UBE2H: variants seen among roughly 807,000 people sequenced by gnomAD.
UBE2H encodes ubiquitin-conjugating enzyme E2 H.
UBE2H carries 3 observed loss-of-function variants against 29.0 expected under a neutral mutation model. The ratio of observed to expected loss-of-function variants is 0.10; its 90% CI spans 0.05 to 0.27. The LOEUF (loss-of-function observed/expected upper bound fraction) is 0.27, where lower values mean the gene tolerates loss of function less well. Ranked by LOEUF, UBE2H falls within the 10% of genes least tolerant of loss-of-function variation. The pLI, the probability that UBE2H is intolerant of heterozygous loss-of-function variation, is 1.00. For missense variants in UBE2H, 68 were observed against 228.2 expected (o/e 0.30, Z 4.52); for synonymous variants, 69 against 82.9 (o/e 0.83, Z 0.91).
intron 1 of UBE2H, among the ~76,000 whole-genome samples, chr7:129,938,135 G>T (rs1246322493): frequency 6.6e-6 from 1 of 151,958 alleles, no homozygotes. Context: ...CCATGGCCAG[G>T]CACAATGGTT....
chr7:129,919,301 T>C (rs569413864), intron 1 of UBE2H, among the ~76,000 whole-genome samples: 2 of 152,134 alleles, frequency 1.3e-5, no homozygotes, highest in African/African-American at 2.4e-5. Flanking sequence ...AAAAACTTGA[T>C]TGACCATCAC....
chr7:129,943,127 GC>G lies in UBE2H; in HGVS notation c.53+9375del, dbSNP rs1807681548. On this transcript the variant is annotated intron_variant, in intron 1 of 6. Transcript: ENST00000355621. ...CAAAGTGCCAGGATTACAGGCATGA[GC>G]CACTATGGCCGGCCAGATTCCTAAA... Among the ~76,000 whole-genome samples the G allele has an allele frequency of 2.6e-5, 4 of 152,260 alleles. No individual in the cohort carries two copies. The South Asian group carries it at 8.3e-4, about 32-fold the overall frequency.
chr7:129,925,087 C>T (rs1051038788), intron 1 of UBE2H, among the ~76,000 whole-genome samples: 2 of 152,102 alleles, frequency 1.3e-5, no homozygotes, highest in Admixed American at 6.6e-5. Flanking sequence ...CGGTGGTTCA[C>T]GCCTATAATC....
At chr7:129,858,786 A>T (rs1228539680) in intron 4 of UBE2H, 116 bp downstream of exon 4, 8 of 875,658 alleles carry the variant, frequency 9.1e-6, no homozygotes, top group African/African-American at 1.7e-5. Flanking sequence ...GACCATTCAT[A>T]CAGTCCTACC....
intron 1 of UBE2H, among the ~76,000 whole-genome samples, chr7:129,898,456 G>A (rs1464843701): frequency 6.6e-6 from 1 of 152,132 alleles, no homozygotes; most frequent in Non-Finnish European, 1.5e-5. Context: ...TTGTTATGAA[G>A]TATGAGAAGG....
intron 5 of UBE2H, among the ~76,000 whole-genome samples, chr7:129,842,997 ATTTT>A (rs1214247554): frequency 1.9e-4 from 27 of 139,576 alleles, no homozygotes; most frequent in African/African-American, 5.9e-4. Flanking sequence ...ATTAACAGTA[ATTTT>A]TTTTTTTTTT....
At chr7:129,880,390 C>T (rs1477646948) in intron 2 of UBE2H, among the ~76,000 whole-genome samples, 2 of 152,142 alleles carry the variant, frequency 1.3e-5, no homozygotes, top group Non-Finnish European at 2.9e-5. Flanking sequence ...CCTATAGTCC[C>T]AGCTACTTCG....
intron 1 of UBE2H, among the ~76,000 whole-genome samples, 169 bp downstream of exon 1, chr7:129,952,334 T>C (rs1807894712): frequency 6.6e-6 from 1 of 151,742 alleles, no homozygotes; most frequent in Admixed American, 6.6e-5. Flanking sequence ...CTGAAAAGGC[T>C]CTCGGCCCCT....
intron 1 of UBE2H, among the ~76,000 whole-genome samples, chr7:129,930,895 G>C (rs1376589185): frequency 1.1e-5 from 1 of 87,508 alleles, no homozygotes; most frequent in Non-Finnish European, 2.1e-5. Context: ...GTGAGAGAGC[G>C]AGACCCCGTC....
intron 1 of UBE2H, among the ~76,000 whole-genome samples, chr7:129,927,016 T>C (rs1366662575): frequency 6.6e-6 from 1 of 152,226 alleles, no homozygotes; most frequent in Non-Finnish European, 1.5e-5. Context: ...CTCTATGACA[T>C]TCTGCTTCCA....
chr7:129,881,204 A>G (rs1416172711), intron 1 of UBE2H, among the ~76,000 whole-genome samples: 1 of 152,196 alleles, frequency 6.6e-6, no homozygotes, highest in Non-Finnish European at 1.5e-5. Context: ...CCATTTACTG[A>G]GTTTTTGAGC....
intron 1 of UBE2H, among the ~76,000 whole-genome samples, chr7:129,946,306 G>C (rs1444991624): frequency 6.6e-6 from 1 of 151,530 alleles, no homozygotes; most frequent in Non-Finnish European, 1.5e-5. Context: ...TGATTTGTCT[G>C]CCTCAACCTC....
At chr7:129,858,471 A>T (rs1805745307) in intron 4 of UBE2H, among the ~76,000 whole-genome samples, 1 of 152,188 alleles carries the variant, frequency 6.6e-6, no homozygotes, top group African/African-American at 2.4e-5. Flanking sequence ...AAAATATTAG[A>T]AGGAAAGAAG....
At chr7:129,902,431 G>A (rs1045757582) in intron 1 of UBE2H, among the ~76,000 whole-genome samples, 1 of 152,210 alleles carries the variant, frequency 6.6e-6, no homozygotes, top group African/African-American at 2.4e-5. Flanking sequence ...GACCTGGGAG[G>A]CGGAGGTTGC....
chr7:129,870,376 G>A (rs1159315319), intron 3 of UBE2H, among the ~76,000 whole-genome samples: 1 of 152,192 alleles, frequency 6.6e-6, no homozygotes, highest in African/African-American at 2.4e-5. Flanking sequence ...AGCACATTGG[G>A]AGGCCAATGT....
chr7:129,836,369 G>C (rs1805324595), intron 6 of UBE2H, among the ~76,000 whole-genome samples: 1 of 152,088 alleles, frequency 6.6e-6, no homozygotes, highest in Admixed American at 6.6e-5. Context: ...AGAGAGAAAG[G>C]AAGAGCAAGG....
At chr7:129,928,518 G>A (rs1460774195) in intron 1 of UBE2H, among the ~76,000 whole-genome samples, 2 of 152,196 alleles carry the variant, frequency 1.3e-5, no homozygotes, top group Non-Finnish European at 2.9e-5. Flanking sequence ...CAGAAGAATT[G>A]CTTGAACTCG....
chr7:129,945,104 GT>G (rs1294478367), intron 1 of UBE2H, among the ~76,000 whole-genome samples: 1 of 152,002 alleles, frequency 6.6e-6, no homozygotes, highest in African/African-American at 2.4e-5. Context: ...GAGATCAATG[GT>G]TGGAAGGGAG....
intron 1 of UBE2H, chr7:129,949,082 T>TCTAG: frequency 2.2e-6 from 1 of 455,638 alleles, no homozygotes; most frequent in African/African-American, 2.0e-5. Flanking sequence ...AACAAGCAGC[T>TCTAG]CTAGCCTTCA....
Sources: gnomAD v4.1 joint callset for allele counts (sites outside exome capture counted in the v4.1 genomes callset) on GRCh38, gnomAD v4.1.1 for gene constraint, MANE v1.5 for transcripts, NCBI Gene and HGNC (gene_info 2026-07-23, HGNC 2026-07-21) for gene names.